Variants in CCSER1 observed in about 807,000 individuals in gnomAD.
CCSER1 encodes the protein serine-rich coiled-coil domain-containing protein 1.
In CCSER1, 41 loss-of-function variants were observed where a neutral mutation model predicts 82.0. That is an observed-to-expected ratio of 0.50 (90% CI 0.39 to 0.65). The LOEUF (loss-of-function observed/expected upper bound fraction) is 0.65, where lower values mean the gene tolerates loss of function less well. Ranked by LOEUF, CCSER1 falls within the 30% of genes least tolerant of loss-of-function variation. CCSER1 has a pLI of 0.00. For synonymous variants in CCSER1, 414 were observed against 383.9 expected (o/e 1.08, Z -0.92); for missense variants, 1,119 against 1,064.2 (o/e 1.05, Z -0.72).
chr4:90,610,526 C>G (rs1030174774), intron 5 of CCSER1, among the ~76,000 whole-genome samples: 1 of 151,950 alleles, frequency 6.6e-6, no homozygotes, highest in African/African-American at 2.4e-5. Context: ...GCTCTTTTTG[C>G]TTTCTAAGGC....
chr4:90,191,549 G>A (rs1393700562), intron 1 of CCSER1, among the ~76,000 whole-genome samples: 1 of 151,962 alleles, frequency 6.6e-6, no homozygotes, highest in Non-Finnish European at 1.5e-5. Context: ...GGACAAGTGG[G>A]TGTACCATGC....
chr4:91,411,483 C>CATATAT (rs1292774196), intron 10 of CCSER1, among the ~76,000 whole-genome samples: 10 of 69,250 alleles, frequency 1.4e-4, no homozygotes, highest in Admixed American at 6.5e-4. Context: ...TAAATTTCTG[C>CATATAT]ATATATACAT....
intron 10 of CCSER1, among the ~76,000 whole-genome samples, chr4:91,567,695 A>C (rs1476490111): frequency 2.0e-5 from 3 of 150,162 alleles, no homozygotes; most frequent in Non-Finnish European, 4.4e-5. Context: ...AAGGATTACT[A>C]CCCCTGTTTT....
At position 91,466,817 on chromosome 4, in the gene CCSER1, A is replaced by C. The variant is rs1350549459; in HGVS notation, c.2218-131755A>C. Among the ~76,000 whole-genome samples, 5 of 152,200 alleles carry C rather than the reference A, an allele frequency of 3.3e-5. No homozygotes were observed. In the South Asian group the frequency reaches 1.0e-3, roughly 31 times the overall value. On this transcript the variant is annotated intron_variant, in intron 10 of 10. Coordinates refer to ENST00000509176, the MANE Select transcript of CCSER1 (RefSeq NM_001145065.2). ...TACAAGGGATGTGAAGGACCTCTTC[A>C]AGGAGAACTACAAACCACTGCTCAA...
At chr4:91,061,238 C>A (rs181514852) in intron 9 of CCSER1, among the ~76,000 whole-genome samples, 1 of 151,288 alleles carries the variant, frequency 6.6e-6, no homozygotes, top group Admixed American at 6.6e-5. Context: ...TGTTAAATGA[C>A]TTATGTAATA....
At chr4:90,506,022 G>T (rs1430076052) in intron 5 of CCSER1, among the ~76,000 whole-genome samples, 1 of 152,050 alleles carries the variant, frequency 6.6e-6, no homozygotes, top group East Asian at 1.9e-4. Flanking sequence ...GATTCTATTT[G>T]CATGTCTGTT....
At chr4:90,479,495 T>C (rs1175381841) in intron 5 of CCSER1, among the ~76,000 whole-genome samples, 1 of 152,160 alleles carries the variant, frequency 6.6e-6, no homozygotes, top group Non-Finnish European at 1.5e-5. Context: ...TCATTTACAT[T>C]AGGTATATCT....
At chr4:90,801,919 G>T (rs1265081005) in intron 7 of CCSER1, among the ~76,000 whole-genome samples, 2 of 152,010 alleles carry the variant, frequency 1.3e-5, no homozygotes, top group African/African-American at 4.8e-5. Context: ...TAGTTCTTTA[G>T]AATATATGTA....
chr4:90,305,724 G>T (rs1734142345), intron 1 of CCSER1, among the ~76,000 whole-genome samples: 1 of 152,214 alleles, frequency 6.6e-6, no homozygotes, highest in Admixed American at 6.5e-5. Context: ...CTTGCACACT[G>T]TTGGTGGGGG....
intron 10 of CCSER1, among the ~76,000 whole-genome samples, chr4:91,528,412 C>A (rs1166556505): frequency 1.3e-5 from 2 of 151,940 alleles, no homozygotes; most frequent in Admixed American, 1.3e-4. Flanking sequence ...AGCTAATAAC[C>A]AACACACAAA....
chr4:91,241,419 A>G (rs1449448594), intron 10 of CCSER1, among the ~76,000 whole-genome samples: 5 of 136,778 alleles, frequency 3.7e-5, no homozygotes, highest in Admixed American at 1.5e-4. Flanking sequence ...TCCGCCTCCC[A>G]GGTTCACGCC....
Position 91,483,451 on chromosome 4 carries a change from T to C in CCSER1, c.2218-115121T>C, listed in dbSNP as rs536019560. 9.9e-5 allele frequency among the ~76,000 whole-genome samples: 15 copies of C among 152,166 alleles called. 1 individual carries two copies. In the South Asian group the frequency reaches 3.1e-3, roughly 32 times the overall value. ...ATTATACTTTTTTACTTTTTTTTTTTTGGAGATGGAGTCTTGCTCTGTCAC... is the reference window on the plus strand; with the variant it reads ...ATTATACTTTTTTACTTTTTTTTTTCTGGAGATGGAGTCTTGCTCTGTCAC... On this transcript the variant is annotated intron_variant, in intron 10 of 10. Coordinates refer to ENST00000509176, the MANE Select transcript of CCSER1 (RefSeq NM_001145065.2).
At chr4:90,865,310 C>A (rs538891044) in intron 8 of CCSER1, among the ~76,000 whole-genome samples, 1 of 152,164 alleles carries the variant, frequency 6.6e-6, no homozygotes, top group Non-Finnish European at 1.5e-5. Context: ...GATAATAACA[C>A]AAATTCTCTC....
intron 1 of CCSER1, among the ~76,000 whole-genome samples, chr4:90,284,157 G>A (rs1021014943): frequency 6.6e-6 from 1 of 151,700 alleles, no homozygotes; most frequent in South Asian, 2.1e-4. Flanking sequence ...GATTTTTATT[G>A]TATTATTTTT....
chr4:90,495,527 A>G (rs973305657), intron 5 of CCSER1, among the ~76,000 whole-genome samples: 4 of 152,174 alleles, frequency 2.6e-5, no homozygotes, highest in Non-Finnish European at 5.9e-5. Flanking sequence ...AGGCAAATAT[A>G]TAAATAACTT....
intron 10 of CCSER1, among the ~76,000 whole-genome samples, chr4:91,396,657 C>CCACACAAA (rs1472735424): frequency 6.6e-6 from 1 of 151,940 alleles, no homozygotes; most frequent in East Asian, 1.9e-4. Context: ...AGACACACAA[C>CCACACAAA]CACACAAAAA....
rs79600789 is a variant in CCSER1, at chr4:90,517,622, C to A, written c.1724+49268C>A. On this transcript the variant is annotated intron_variant, in intron 5 of 10. Coordinates refer to ENST00000509176, the MANE Select transcript of CCSER1 (RefSeq NM_001145065.2). The stretch of plus-strand genomic sequence containing the variant: ...GATCCAGAGGCATACATTTGGGAGC[C>A]CTCTGCAACTAGATTTAAAGTTATG... Among the ~76,000 whole-genome samples the A allele has an allele frequency of 9.8e-3, 1,497 of 152,004 alleles. 25 individuals carry two copies. Among genetic ancestry groups the A allele is most frequent in the African/African-American group, 0.034 (1,420 of 41,440 alleles).
At chr4:91,282,794 G>T (rs1419257573) in intron 10 of CCSER1, among the ~76,000 whole-genome samples, 1 of 151,968 alleles carries the variant, frequency 6.6e-6, no homozygotes, top group African/African-American at 2.4e-5. Context: ...ATTATTTTGT[G>T]GATCCACCAC....
chr4:91,356,487 G>A (rs181439635), intron 10 of CCSER1, among the ~76,000 whole-genome samples: 11 of 152,330 alleles, frequency 7.2e-5, no homozygotes, highest in Admixed American at 6.5e-4. Context: ...AGATGTGAGA[G>A]TTGAAAGACC....
Sources: allele counts gnomAD v4.1 joint callset (sites outside exome capture counted in the v4.1 genomes callset), GRCh38; gene constraint gnomAD v4.1.1; transcripts MANE v1.5; gene names NCBI Gene and HGNC (gene_info 2026-07-23, HGNC 2026-07-21).